TMEM196: variants seen among roughly 807,000 people sequenced by gnomAD.
TMEM196 encodes transmembrane protein 196.
Under a neutral mutation model 20.0 loss-of-function variants are expected in TMEM196, and 17 were observed. That is an observed-to-expected ratio of 0.85 (90% confidence interval 0.58 to 1.27). TMEM196 has a LOEUF of 1.27. Ranked by LOEUF, TMEM196 falls within the 50% of genes most tolerant of loss-of-function variation. The pLI is 0.00. For synonymous variants in TMEM196, 113 were observed against 88.9 expected, an observed-to-expected ratio of 1.27 and a Z score of -1.52; for missense variants, 267 against 223.0, an observed-to-expected ratio of 1.20 and a Z score of -1.26.
At chr7:19,749,760 G>A (rs10231980) in intron 1 of TMEM196, among the ~76,000 whole-genome samples, 3 of 151,742 alleles carry the variant, frequency 2.0e-5, no homozygotes, top group East Asian at 3.9e-4. Flanking sequence ...CTCACAGTTC[G>A]TACCTCCAAA....
At chr7:19,763,974 T>A (rs1170827706) in intron 1 of TMEM196, among the ~76,000 whole-genome samples, 2 of 152,186 alleles carry the variant, frequency 1.3e-5, no homozygotes, top group East Asian at 3.9e-4. Context: ...TCTTAATAGC[T>A]TCCAAACCTA....
intron 1 of TMEM196, among the ~76,000 whole-genome samples, chr7:19,762,994 C>T (rs1193983639): frequency 6.6e-6 from 1 of 152,164 alleles, no homozygotes; most frequent in Non-Finnish European, 1.5e-5. Context: ...AGCCTAAATG[C>T]AGATTAAATT....
At chr7:19,755,272 C>T (rs1401294078) in intron 1 of TMEM196, among the ~76,000 whole-genome samples, 1 of 152,122 alleles carries the variant, frequency 6.6e-6, no homozygotes, top group African/African-American at 2.4e-5. Flanking sequence ...ATATATCTGT[C>T]ATTGCAAAAG....
At position 19,722,055 on chromosome 7, in the gene TMEM196, T is replaced by C. The variant is rs2128010637; in HGVS notation, c.*73A>G. On this transcript the variant is annotated 3_prime_UTR_variant, in exon 5 of 5. Transcript: ENST00000405844. Reference sequence around the variant, plus strand: ...GCCTCATGAAAATCCTAAAAAGTGTTCAATTCTTTAAAACATTGATTACAC... The same window carrying C: ...GCCTCATGAAAATCCTAAAAAGTGTCCAATTCTTTAAAACATTGATTACAC... The C allele has an allele frequency of 1.2e-6, 2 of 1,603,180 alleles. No homozygotes were observed. The highest frequency in any genetic ancestry group is 2.3e-5 in the East Asian group (1 of 44,418).
intron 1 of TMEM196, among the ~76,000 whole-genome samples, chr7:19,752,365 C>T (rs1339726114): frequency 6.6e-6 from 1 of 152,132 alleles, no homozygotes; most frequent in Non-Finnish European, 1.5e-5. Flanking sequence ...TTCCCCTCTC[C>T]TCCTACGTCA....
intron 1 of TMEM196, among the ~76,000 whole-genome samples, chr7:19,765,688 C>T (rs986154567): frequency 2.6e-5 from 4 of 152,014 alleles, no homozygotes; most frequent in African/African-American, 7.2e-5. Flanking sequence ...AGAGTTTCTA[C>T]CACCCTCTCT....
In TMEM196 at chr7:19,719,701, C is replaced by T. The variant is rs187678398; in HGVS notation, c.*2427G>A. On this transcript the variant is annotated 3_prime_UTR_variant, in exon 5 of 5. Coordinates refer to ENST00000405844, the MANE Select transcript of TMEM196 (RefSeq NM_001363562.2). Reference sequence around the variant, plus strand: ...CTTGAACAATGTCTTCCTAACATCCCCCACTTATCTAAAAAAGAATCGCCG... The same window carrying T: ...CTTGAACAATGTCTTCCTAACATCCTCCACTTATCTAAAAAAGAATCGCCG... The T allele has an allele frequency of 2.6e-3, 402 of 152,166 alleles. 4 individuals are homozygous for T. Among genetic ancestry groups the T allele is most frequent in the African/African-American group, 9.2e-3 (383 of 41,544 alleles). 9.4% of individuals were successfully genotyped at this position (152,166 alleles called of 1,614,324 possible).
intron 1 of TMEM196, among the ~76,000 whole-genome samples, chr7:19,732,898 C>T (rs1784263261): frequency 6.6e-6 from 1 of 152,142 alleles, no homozygotes; most frequent in Non-Finnish European, 1.5e-5. Context: ...TTACCCACAT[C>T]ATGGCAATTA....
At chr7:19,746,760 T>C (rs1426190091) in intron 1 of TMEM196, among the ~76,000 whole-genome samples, 1 of 152,242 alleles carries the variant, frequency 6.6e-6, no homozygotes, top group East Asian at 1.9e-4. Context: ...ATTTTGTATT[T>C]TGGGCCACCT....
intron 1 of TMEM196, among the ~76,000 whole-genome samples, chr7:19,759,878 G>T (rs1785367234): frequency 6.6e-6 from 1 of 152,036 alleles, no homozygotes; most frequent in Non-Finnish European, 1.5e-5. Flanking sequence ...AGTAACCATT[G>T]TATCATACAT....
intron 1 of TMEM196, among the ~76,000 whole-genome samples, chr7:19,752,739 C>A (rs1033136294): frequency 6.6e-6 from 1 of 151,910 alleles, no homozygotes; most frequent in Non-Finnish European, 1.5e-5. Context: ...CTCAGCCTCC[C>A]GAGTAGCTGG....
intron 1 of TMEM196, 137 bp from the exon 2 acceptor site, chr7:19,729,575 A>C: frequency 2.7e-6 from 2 of 753,662 alleles, no homozygotes; most frequent in Non-Finnish European, 4.2e-6. Context: ...TGGAGAGGAT[A>C]AGATCTCATT....
chr7:19,736,358 T>C (rs1369114946), intron 1 of TMEM196, among the ~76,000 whole-genome samples: 8 of 26,166 alleles, frequency 3.1e-4, no homozygotes, highest in African/African-American at 1.5e-3. Flanking sequence ...TCCTACTATA[T>C]ATATATATAT....
chr7:19,742,138 T>C (rs1489675393), intron 1 of TMEM196, among the ~76,000 whole-genome samples: 1 of 152,198 alleles, frequency 6.6e-6, no homozygotes, highest in East Asian at 1.9e-4. Context: ...AGTCAAAATA[T>C]ATTAGAAAAT....
chr7:19,740,611 A>G (rs574013028), intron 1 of TMEM196, among the ~76,000 whole-genome samples: 8 of 152,114 alleles, frequency 5.3e-5, no homozygotes, highest in Non-Finnish European at 1.2e-4. Flanking sequence ...ACTAACAAAA[A>G]CTCCCTAATC....
chr7:19,719,709 T>C lies in TMEM196; in HGVS notation c.*2419A>G, dbSNP rs1349764420. 2 of 152,084 alleles carry C rather than the reference T, an allele frequency of 1.3e-5. No individual in the cohort carries two copies. The highest frequency in any genetic ancestry group is 2.1e-4 in the South Asian group (1 of 4,832). The allele number at this position is 152,084 out of a possible 1,614,324, so 9.4% of individuals were successfully genotyped here. The stretch of plus-strand genomic sequence containing the variant: ...ATGTCTTCCTAACATCCCCCACTTA[T>C]CTAAAAAAGAATCGCCGCACATCCC... On this transcript the variant is annotated 3_prime_UTR_variant, in exon 5 of 5. Coordinates refer to ENST00000405844, the MANE Select transcript of TMEM196 (RefSeq NM_001363562.2).
intron 4 of TMEM196, 140 bp downstream of exon 4, chr7:19,724,140 C>A (rs977496851): frequency 8.0e-6 from 6 of 749,430 alleles, no homozygotes; most frequent in Non-Finnish European, 1.1e-5. Context: ...GCAAAGTAAG[C>A]GCTTACGAAA....
intron 1 of TMEM196, among the ~76,000 whole-genome samples, chr7:19,733,193 T>C (rs747809129): frequency 2.0e-5 from 3 of 152,222 alleles, no homozygotes; most frequent in Non-Finnish European, 2.9e-5. Flanking sequence ...AAACTAAGAT[T>C]GTGACGTGTT....
chr7:19,743,334 T>C (rs1784640624), intron 1 of TMEM196, among the ~76,000 whole-genome samples: 1 of 152,164 alleles, frequency 6.6e-6, no homozygotes, highest in Non-Finnish European at 1.5e-5. Context: ...ACTTTTTCTG[T>C]CTTTCTCTGT....
Sources: gnomAD v4.1 joint callset for allele counts (sites outside exome capture counted in the v4.1 genomes callset) on GRCh38, gnomAD v4.1.1 for gene constraint, MANE v1.5 for transcripts, NCBI Gene and HGNC (gene_info 2026-07-23, HGNC 2026-07-21) for gene names.